Variants in PTCHD1 observed in about 807,000 individuals in gnomAD.
The protein encoded by PTCHD1 is patched domain containing 1.
PTCHD1 carries 3 observed loss-of-function variants against 34.6 expected under a neutral mutation model. That is an observed-to-expected ratio of 0.09 (90% CI 0.04 to 0.22). PTCHD1 has a LOEUF of 0.22. Ranked by LOEUF, PTCHD1 falls within the 10% of genes least tolerant of loss-of-function variation. PTCHD1 has a pLI of 1.00. For missense variants in PTCHD1, 504 were observed against 685.5 expected (o/e 0.74, Z 2.96); for synonymous variants, 305 against 283.1 (o/e 1.08, Z -0.77).
chrX:23,340,721 C>T (rs899476569), intron 1 of PTCHD1, among the ~76,000 whole-genome samples: 2 of 112,442 alleles, frequency 1.8e-5, no homozygotes, highest in African/African-American at 6.5e-5. Context: ...TCCACAGAGG[C>T]TGATGCTAGA....
intron 1 of PTCHD1, among the ~76,000 whole-genome samples, chrX:23,362,670 C>T (rs1184438950): frequency 4.5e-5 from 5 of 111,951 alleles, no homozygotes; most frequent in Admixed American, 1.9e-4. Context: ...TGTTCCGTTG[C>T]GGGTGAGGAG....
In PTCHD1 at chrX:23,375,287, C is replaced by CTTTT. The variant is rs72075900; in HGVS notation, c.352-4287_352-4284dup. Among the ~76,000 whole-genome samples the CTTTT allele has an allele frequency of 6.2e-4, 52 of 83,683 alleles. 2 individuals are homozygous for CTTTT. The highest frequency in any genetic ancestry group is 1.8e-3 in the African/African-American group (38 of 20,823). 72.7% of individuals were successfully genotyped at this position (83,683 alleles called of 115,157 possible). On this transcript the variant is annotated intron_variant, in intron 1 of 2. Coordinates refer to ENST00000379361, the MANE Select transcript of PTCHD1 (RefSeq NM_173495.3). ...ACTTGAAGCAGGTGGGCTGACAATT[C>CTTTT]TTTTTTTTTTTTTTTTTTTTGAGAC...
At chrX:23,384,875 G>T (rs971647177) in intron 2 of PTCHD1, among the ~76,000 whole-genome samples, 13 of 111,552 alleles carry the variant, frequency 1.2e-4, no homozygotes, top group African/African-American at 4.2e-4. Flanking sequence ...CTACAAAAAT[G>T]GTAATTTTGT....
intron 1 of PTCHD1, among the ~76,000 whole-genome samples, chrX:23,371,341 A>G (rs1394161052): frequency 8.9e-6 from 1 of 112,027 alleles, no homozygotes; most frequent in Non-Finnish European, 1.9e-5. Flanking sequence ...GAACAGCATC[A>G]TGAGGCAGGG....
At chrX:23,380,942 TA>T (rs1292893264) in intron 2 of PTCHD1, among the ~76,000 whole-genome samples, 1 of 111,515 alleles carries the variant, frequency 9.0e-6, no homozygotes, top group Non-Finnish European at 1.9e-5. Flanking sequence ...GGTGACTTTG[TA>T]GTTATAAGCC....
chrX:23,381,640 C>T (rs1213049092), intron 2 of PTCHD1, among the ~76,000 whole-genome samples: 2 of 111,444 alleles, frequency 1.8e-5, no homozygotes, highest in Non-Finnish European at 3.8e-5. Context: ...CTCTGTGGCC[C>T]GAGGAATTGA....
intron 2 of PTCHD1, among the ~76,000 whole-genome samples, chrX:23,387,146 C>T (rs1443338752): frequency 8.9e-6 from 1 of 112,526 alleles, no homozygotes; most frequent in East Asian, 2.7e-4. Context: ...ATCACCCAGA[C>T]TGTCTCCAAT....
intron 1 of PTCHD1, among the ~76,000 whole-genome samples, chrX:23,353,648 T>TG (rs1456090028): frequency 5.4e-5 from 6 of 110,753 alleles, no homozygotes; most frequent in Non-Finnish European, 1.1e-4. Flanking sequence ...CTACCTAAGA[T>TG]GAAGAGCAGC....
chrX:23,380,395 A>C, intron 2 of PTCHD1, 144 bp downstream of exon 2: 1 of 578,896 alleles, frequency 1.7e-6, no homozygotes, highest in Non-Finnish European at 2.9e-6. Context: ...CCACTCTATA[A>C]AGTGCTGGTA....
intron 1 of PTCHD1, among the ~76,000 whole-genome samples, chrX:23,336,915 C>T (rs1024854738): frequency 2.7e-5 from 3 of 111,294 alleles, no homozygotes; most frequent in Admixed American, 9.5e-5. Flanking sequence ...GATTGATGAT[C>T]TACTAAATGA....
intron 2 of PTCHD1, among the ~76,000 whole-genome samples, chrX:23,392,077 T>TTTC (rs1922853249): frequency 1.2e-5 from 1 of 81,763 alleles, no homozygotes; most frequent in African/African-American, 5.3e-5. Flanking sequence ...TTTCTTTCTT[T>TTTC]TTTTTTTTTT....
In PTCHD1 at chrX:23,393,322, A is replaced by G. The variant is rs1922886192; in HGVS notation, c.1804A>G (p.Thr602Ala). Residue 602 changes from threonine (T) to alanine (A), a missense_variant, in exon 3 of 3, where the codon ACT (threonine) becomes GCT (alanine). Transcript: ENST00000379361. ...LNYLRKLNVS[T>A]GLPKKNFTDM... is the part of the protein sequence containing the mutation. ...TTACCTTCGGAAACTCAATGTATCCACTGGCTTGCCTAAGAAAAATTTCAC... is the reference window on the plus strand; with the variant it reads ...TTACCTTCGGAAACTCAATGTATCCGCTGGCTTGCCTAAGAAAAATTTCAC... The G allele has an allele frequency of 1.7e-6, 2 of 1,211,157 alleles. No homozygotes were observed. Among genetic ancestry groups the G allele is most frequent in the Middle Eastern group, 4.6e-4 (2 of 4,354 alleles).
chrX:23,370,545 T>G (rs1922249782), intron 1 of PTCHD1, among the ~76,000 whole-genome samples: 1 of 111,690 alleles, frequency 9.0e-6, no homozygotes, highest in South Asian at 3.8e-4. Flanking sequence ...CGTTATTTTA[T>G]GAATTACAGG....
At chrX:23,378,432 A>T (rs944468582) in intron 1 of PTCHD1, among the ~76,000 whole-genome samples, 3 of 112,316 alleles carry the variant, frequency 2.7e-5, no homozygotes, top group African/African-American at 9.7e-5. Flanking sequence ...TATCTTAGAC[A>T]GTAGATTACA....
At chrX:23,347,838 T>C (rs1234363019) in intron 1 of PTCHD1, among the ~76,000 whole-genome samples, 1 of 110,859 alleles carries the variant, frequency 9.0e-6, no homozygotes, top group Non-Finnish European at 1.9e-5. Flanking sequence ...AGACCCCGTC[T>C]CTACAAAAAA....
intron 1 of PTCHD1, among the ~76,000 whole-genome samples, chrX:23,339,677 T>G (rs1921257842): frequency 8.9e-6 from 1 of 112,073 alleles, no homozygotes; most frequent in Non-Finnish European, 1.9e-5. Flanking sequence ...TCTCAACACT[T>G]GCAATCACTA....
Position 23,381,127 on chromosome X carries a change from C to CTT in PTCHD1, c.1012+882_1012+883dup, listed in dbSNP as rs34091499. 3.2e-4 allele frequency among the ~76,000 whole-genome samples: 36 copies of CTT among 111,042 alleles called. 1 individual carries two copies. Among genetic ancestry groups the CTT allele is most frequent in the Admixed American group, 7.6e-4 (8 of 10,540 alleles). ...CATGTGAGATACCAGTAGGAAGTAA[C>CTT]TTTTTTTCCTATTCTTACTATGAAC... On this transcript the variant is annotated intron_variant, in intron 2 of 2. Transcript: ENST00000379361.
At chrX:23,366,302 G>C (rs760816712) in intron 1 of PTCHD1, among the ~76,000 whole-genome samples, 11 of 111,953 alleles carry the variant, frequency 9.8e-5, no homozygotes, top group Admixed American at 2.8e-4. Context: ...ACACACTTCT[G>C]ATCATTTCAT....
intron 1 of PTCHD1, among the ~76,000 whole-genome samples, chrX:23,343,252 C>T (rs1049558955): frequency 5.3e-5 from 6 of 112,336 alleles, no homozygotes; most frequent in Admixed American, 4.7e-4. Flanking sequence ...ATTCTGTTTC[C>T]AGATCTGCTG....
Sources: gnomAD v4.1 joint callset for allele counts (sites outside exome capture counted in the v4.1 genomes callset) on GRCh38, gnomAD v4.1.1 for gene constraint, MANE v1.5 for transcripts, NCBI Gene and HGNC (gene_info 2026-07-23, HGNC 2026-07-21) for gene names.